Variants in LRRC7 observed in about 807,000 individuals in gnomAD.
LRRC7 encodes the protein leucine-rich repeat-containing protein 7.
In LRRC7, 23 loss-of-function variants were observed where a neutral mutation model predicts 175.7. The ratio of observed to expected loss-of-function variants is 0.13; its 90% CI spans 0.09 to 0.19. The LOEUF (loss-of-function observed/expected upper bound fraction) is 0.19. LRRC7 is among the 10% of genes least tolerant of loss of function. The pLI is 1.00. For synonymous variants in LRRC7, 685 were observed against 680.9 expected (o/e 1.01, Z -0.09); for missense variants, 1,354 against 1,904.7 (o/e 0.71, Z 5.38).
intron 2 of LRRC7, among the ~76,000 whole-genome samples, chr1:69,743,210 A>G (rs1668897217): frequency 6.6e-6 from 1 of 152,052 alleles, no homozygotes; most frequent in Non-Finnish European, 1.5e-5. Context: ...GTTAGGGTCA[A>G]GATAAATCCT....
chr1:69,846,307 T>C (rs1299046690), intron 7 of LRRC7, among the ~76,000 whole-genome samples: 1 of 152,118 alleles, frequency 6.6e-6, no homozygotes, highest in African/African-American at 2.4e-5. Flanking sequence ...GATAATATTA[T>C]GGTTAGCTAA....
chr1:69,911,937 A>G (rs936654157), intron 7 of LRRC7, among the ~76,000 whole-genome samples: 9 of 152,202 alleles, frequency 5.9e-5, no homozygotes, highest in Non-Finnish European at 1.2e-4. Flanking sequence ...AAAAACTACA[A>G]TAATTTTAAA....
chr1:69,908,841 C>T (rs902844690), intron 7 of LRRC7, among the ~76,000 whole-genome samples: 5 of 148,676 alleles, frequency 3.4e-5, no homozygotes, highest in African/African-American at 7.5e-5. Flanking sequence ...CTTTCTGTCT[C>T]GTTGTCGGGT....
intron 21 of LRRC7, among the ~76,000 whole-genome samples, chr1:70,043,682 G>A (rs1261251434): frequency 1.3e-5 from 2 of 152,166 alleles, no homozygotes; most frequent in Non-Finnish European, 2.9e-5. Context: ...ATGTATAAGA[G>A]ACAGAATTTA....
intron 7 of LRRC7, among the ~76,000 whole-genome samples, chr1:69,888,149 G>A (rs1645708017): frequency 1.4e-5 from 2 of 144,454 alleles, no homozygotes; most frequent in Non-Finnish European, 3.0e-5. Flanking sequence ...GCTCCACCCA[G>A]TTTGAGCTTC....
intron 1 of LRRC7, among the ~76,000 whole-genome samples, chr1:69,622,150 G>A (rs1250626672): frequency 6.6e-6 from 1 of 152,104 alleles, no homozygotes; most frequent in Non-Finnish European, 1.5e-5. Flanking sequence ...GTGACTGTAG[G>A]TGAATATTAT....
At chr1:69,776,909 A>G (rs186704053) in intron 3 of LRRC7, among the ~76,000 whole-genome samples, 1 of 152,132 alleles carries the variant, frequency 6.6e-6, no homozygotes, top group African/African-American at 2.4e-5. Context: ...TTAAATTTTA[A>G]GTGGATGAAT....
intron 1 of LRRC7, among the ~76,000 whole-genome samples, chr1:69,644,295 T>A (rs1177742904): frequency 1.3e-5 from 2 of 152,108 alleles, no homozygotes; most frequent in Non-Finnish European, 2.9e-5. Context: ...TATTTCTCTC[T>A]TTTTTTCTGT....
chr1:69,916,300 A>T (rs924931570), intron 7 of LRRC7, among the ~76,000 whole-genome samples: 8 of 138,878 alleles, frequency 5.8e-5, no homozygotes, highest in East Asian at 4.0e-4. Flanking sequence ...TATATATATA[A>T]AACTATATAT....
chr1:70,051,719 G>A (rs1005105983), intron 22 of LRRC7, among the ~76,000 whole-genome samples: 7 of 150,990 alleles, frequency 4.6e-5, no homozygotes, highest in Non-Finnish European at 1.0e-4. Context: ...CAAAGAACAA[G>A]AAGAAAACTG....
chr1:69,873,542 AG>A, intron 7 of LRRC7: 1 of 523,934 alleles, frequency 1.9e-6, no homozygotes, highest in Non-Finnish European at 3.9e-6. Flanking sequence ...GAGGATGTGG[AG>A]GGAGCAGCTT....
At position 69,568,618 on chromosome 1, in the gene LRRC7, T is replaced by A. The variant is rs757678019; in HGVS notation, c.-22T>A. 1.4e-5 allele frequency: 19 copies of A among 1,351,164 alleles called. No individual in the cohort carries two copies. Among genetic ancestry groups the A allele is most frequent in the Non-Finnish European group, 1.8e-5 (18 of 1,015,680 alleles). 83.7% of individuals were successfully genotyped at this position (1,351,164 alleles called of 1,614,324 possible). ...CACGACTACGCTCTCCGAAACCTCA[T>A]GGGCAGTTTCTCCCGCCGGCGATGT... On this transcript the variant is annotated 5_prime_UTR_variant, in exon 1 of 27. It removes an upstream start codon present in the reference 5' UTR. Coordinates refer to ENST00000651989, the MANE Select transcript of LRRC7 (RefSeq NM_001370785.2).
intron 7 of LRRC7, among the ~76,000 whole-genome samples, chr1:69,904,169 G>A (rs899825673): frequency 1.3e-5 from 2 of 152,026 alleles, no homozygotes; most frequent in African/African-American, 2.4e-5. Flanking sequence ...TAATCTCTAG[G>A]AATATCTTAC....
In LRRC7 at chr1:70,039,164, T is replaced by C. The variant is rs769425449; in HGVS notation, c.3340T>C (p.Tyr1114His). Reference protein sequence around the residue: ...IAKDLISPRAYRGYPPMEQMF... With the variant: ...IAKDLISPRAHRGYPPMEQMF... Reference sequence around the variant, plus strand: ...CAAGGATTTGATTAGTCCTAGAGCTTACAGAGGATACCCACCGATGGAGCA... The same window carrying C: ...CAAGGATTTGATTAGTCCTAGAGCTCACAGAGGATACCCACCGATGGAGCA... Residue 1114 changes from tyrosine to histidine, a missense_variant, in exon 21 of 27, where the codon TAC becomes CAC. This residue lies in a region of LRRC7 where 1,032 missense variants were observed against 1,227.2 expected (regional missense o/e 0.84). Coordinates refer to ENST00000651989, the MANE Select transcript of LRRC7 (RefSeq NM_001370785.2). The C allele has an allele frequency of 6.2e-7, 1 of 1,614,136 alleles. No individual in the cohort carries two copies. Among genetic ancestry groups the C allele is most frequent in the Non-Finnish European group, 8.5e-7 (1 of 1,179,998 alleles).
At chr1:70,086,091 G>C (rs1663588180) in intron 24 of LRRC7, among the ~76,000 whole-genome samples, 1 of 151,922 alleles carries the variant, frequency 6.6e-6, no homozygotes, top group Admixed American at 6.6e-5. Flanking sequence ...GGAAGGCAGG[G>C]AGAATTTTAG....
At chr1:69,870,557 C>T (rs1451323436) in intron 7 of LRRC7, among the ~76,000 whole-genome samples, 1 of 151,978 alleles carries the variant, frequency 6.6e-6, no homozygotes, top group East Asian at 1.9e-4. Flanking sequence ...ATATTAAGCT[C>T]CCTTATGAAA....
chr1:69,903,671 A>G (rs1570579149), intron 7 of LRRC7, among the ~76,000 whole-genome samples: 1 of 152,222 alleles, frequency 6.6e-6, no homozygotes, highest in African/African-American at 2.4e-5. Context: ...GCAGAATTGA[A>G]GGAGATAGAG....
chr1:69,906,320 A>G (rs1252397525), intron 7 of LRRC7, among the ~76,000 whole-genome samples: 3 of 152,346 alleles, frequency 2.0e-5, no homozygotes, highest in African/African-American at 4.8e-5. Flanking sequence ...TGTTTTAGAC[A>G]TGAAGTCCTT....
intron 3 of LRRC7, among the ~76,000 whole-genome samples, chr1:69,765,492 G>C (rs977362473): frequency 1.3e-5 from 2 of 151,986 alleles, no homozygotes; most frequent in Non-Finnish European, 2.9e-5. Flanking sequence ...GGTCACCCAA[G>C]CTCTTTGTGA....
Sources: gnomAD v4.1 joint callset for allele counts (sites outside exome capture counted in the v4.1 genomes callset) on GRCh38, gnomAD v4.1.1 for gene constraint, gnomAD v4.1.1 regional missense constraint, MANE v1.5 for transcripts, NCBI Gene and HGNC (gene_info 2026-07-23, HGNC 2026-07-21) for gene names.